The following MAF variants were observed in gnomAD, a reference collection of about 807,000 sequenced individuals.
MAF encodes the protein transcription factor Maf.
In MAF, 10 loss-of-function variants were observed where a neutral mutation model predicts 22.0. That is an observed-to-expected ratio of 0.45 (90% confidence interval 0.28 to 0.77). MAF has a LOEUF of 0.77. Among genes scored for constraint, MAF ranks in the 30% least tolerant of loss-of-function variants. MAF has a pLI of 0.12. For missense variants in MAF, 544 were observed against 548.4 expected (o/e 0.99, Z 0.08); for synonymous variants, 337 against 255.8 (o/e 1.32, Z -3.03).
the MAF span, among the ~76,000 whole-genome samples, chr16:79,277,913 G>A: frequency 6.6e-6 from 1 of 152,266 alleles, no homozygotes; most frequent in Admixed American, 6.5e-5. Flanking sequence ...CTTGGGAATT[G>A]GCTGGGAGTT....
chr16:79,523,940 A>G, the MAF span, among the ~76,000 whole-genome samples: 111 of 152,286 alleles, frequency 7.3e-4, no homozygotes, highest in Non-Finnish European at 1.4e-3. Context: ...CTTCCCCACT[A>G]TCTTGGAATA....
the MAF span, among the ~76,000 whole-genome samples, chr16:79,337,682 G>A: frequency 6.6e-6 from 1 of 152,206 alleles, no homozygotes; most frequent in African/African-American, 2.4e-5. Flanking sequence ...GGTGAAAGCA[G>A]CAGGTGCTCA....
the MAF span, among the ~76,000 whole-genome samples, chr16:79,471,927 C>T: frequency 1.3e-5 from 2 of 152,112 alleles, no homozygotes; most frequent in African/African-American, 4.8e-5. Context: ...GGAAAATGGC[C>T]TTGCTAAGTG....
At chr16:79,443,229 C>A in the MAF span, among the ~76,000 whole-genome samples, 1 of 152,300 alleles carries the variant, frequency 6.6e-6, no homozygotes, top group African/African-American at 2.4e-5. Flanking sequence ...CCTGGGCAAA[C>A]TGTTAAACTG....
the MAF span, among the ~76,000 whole-genome samples, chr16:79,425,311 A>T: frequency 1.8e-3 from 271 of 152,006 alleles, 1 homozygote; most frequent in Middle Eastern, 6.8e-3. Context: ...TTTTATTTTT[A>T]AAATGAAATT....
the MAF span, among the ~76,000 whole-genome samples, chr16:79,356,754 C>G: frequency 6.6e-6 from 1 of 152,148 alleles, no homozygotes; most frequent in Non-Finnish European, 1.5e-5. Context: ...ATAAGTCCAC[C>G]CTACAAACAT....
chr16:79,258,606 C>T, the MAF span, among the ~76,000 whole-genome samples: 1 of 152,238 alleles, frequency 6.6e-6, no homozygotes, highest in East Asian at 1.9e-4. Flanking sequence ...TCCCACTCTC[C>T]TCCAGGTTGC....
chr16:79,499,531 G>A, the MAF span, among the ~76,000 whole-genome samples: 1 of 152,152 alleles, frequency 6.6e-6, no homozygotes, highest in East Asian at 1.9e-4. Context: ...GGTATTAAGA[G>A]GTGGAGATTT....
chr16:79,484,175 G>A, the MAF span, among the ~76,000 whole-genome samples: 1 of 152,156 alleles, frequency 6.6e-6, no homozygotes, highest in Non-Finnish European at 1.5e-5. Flanking sequence ...GGGACCTGCC[G>A]ACAGTCACCT....
the MAF span, among the ~76,000 whole-genome samples, chr16:79,437,691 A>G: frequency 1.3e-5 from 2 of 152,056 alleles, no homozygotes; most frequent in East Asian, 3.9e-4. Flanking sequence ...AAACCCTGGC[A>G]TTACTCTCTG....
At chr16:79,212,394 G>A in the MAF span, 5 of 457,366 alleles carry the variant, frequency 1.1e-5, no homozygotes, top group African/African-American at 9.6e-5. Flanking sequence ...AGGTGGCAAA[G>A]TACTTGTCAT....
chr16:79,283,979 A>G, the MAF span, among the ~76,000 whole-genome samples: 14,077 of 94,496 alleles, frequency 0.15, 752 homozygotes, highest in East Asian at 0.3. Context: ...AAAAAAAAAA[A>G]AAAAAAGACA....
the MAF span, among the ~76,000 whole-genome samples, chr16:79,395,355 TA>T: frequency 6.6e-6 from 1 of 152,142 alleles, no homozygotes; most frequent in Non-Finnish European, 1.5e-5. Flanking sequence ...AGATGGAAGA[TA>T]GGGGTACCAG....
chr16:79,347,798 G>A, the MAF span, among the ~76,000 whole-genome samples: 5 of 152,120 alleles, frequency 3.3e-5, no homozygotes, highest in African/African-American at 1.2e-4. Context: ...CCAAGTCACC[G>A]GTCATGTTAC....
At chr16:79,408,555 G>A in the MAF span, among the ~76,000 whole-genome samples, 1 of 152,074 alleles carries the variant, frequency 6.6e-6, no homozygotes, top group East Asian at 1.9e-4. Flanking sequence ...TTCCTTCTCT[G>A]TAAACTGGAA....
the MAF span, among the ~76,000 whole-genome samples, chr16:79,273,677 C>A: frequency 1.0e-5 from 1 of 99,596 alleles, no homozygotes; most frequent in East Asian, 2.2e-4. Flanking sequence ...CTGTTTCACT[C>A]TGACCTCTTC....
chr16:79,268,254 C>T, the MAF span, among the ~76,000 whole-genome samples: 1 of 152,212 alleles, frequency 6.6e-6, no homozygotes, highest in South Asian at 2.1e-4. Context: ...GTAACTGTAC[C>T]CATACCATGC....
the MAF span, among the ~76,000 whole-genome samples, chr16:79,325,469 T>G: frequency 1.3e-5 from 2 of 152,142 alleles, no homozygotes; most frequent in Admixed American, 1.3e-4. Flanking sequence ...AGGAAGCAAC[T>G]GGCTCAGGGT....
the MAF span, among the ~76,000 whole-genome samples, chr16:79,526,274 T>G: frequency 6.6e-6 from 1 of 152,172 alleles, no homozygotes; most frequent in African/African-American, 2.4e-5. Flanking sequence ...CCTCAGATTA[T>G]CAGGCATTAG....
Sources: allele counts gnomAD v4.1 joint callset (sites outside exome capture counted in the v4.1 genomes callset), GRCh38; gene constraint gnomAD v4.1.1; transcripts MANE v1.5; gene names NCBI Gene and HGNC (gene_info 2026-07-23, HGNC 2026-07-21).